PSD2: variants seen among roughly 807,000 people sequenced by gnomAD.
PSD2 encodes pleckstrin and Sec7 domain containing 2.
A neutral mutation model predicts 69.8 loss-of-function variants in PSD2; 38 were observed. That is an observed-to-expected ratio of 0.54 (90% CI 0.42 to 0.71). PSD2 has a LOEUF of 0.71. Ranked by LOEUF, PSD2 falls within the 30% of genes least tolerant of loss-of-function variation. PSD2 has a pLI of 0.00. For synonymous variants in PSD2, 412 were observed against 423.0 expected (o/e 0.97, Z 0.32); for missense variants, 943 against 1,014.5 (o/e 0.93, Z 0.96).
rs138380367 is a variant in PSD2, at chr5:139,836,956, G to A, written c.1549G>A (p.Gly517Ser). ...QALSATTYKH[G>S]VLTRKTHADM... ...GCTCAGTGCCACCACCTACAAGCACGGCGTCCTGACCCGGAAGACTCACGC... is the reference window on the plus strand; with the variant it reads ...GCTCAGTGCCACCACCTACAAGCACAGCGTCCTGACCCGGAAGACTCACGC... The change falls in exon 10 of 15, where the codon GGC becomes AGC. Residue 517 changes from glycine (G) to serine (S), a missense_variant. Gly to Ser is a moderately conservative substitution (Grantham distance 56). Around this residue, in one of 3 missense-constraint regions of PSD2, gnomAD observed 312 missense variants for 400.7 expected, o/e 0.78. Coordinates refer to ENST00000274710, the MANE Select transcript of PSD2 (RefSeq NM_032289.4). 884 of 1,613,850 alleles carry A rather than the reference G, an allele frequency of 5.5e-4. 5 individuals are homozygous for A. Among genetic ancestry groups the A allele is most frequent in the Middle Eastern group, 6.6e-4 (4 of 6,082 alleles).
chr5:139,753,315 T>C, the PSD2 span, among the ~76,000 whole-genome samples: 2 of 152,104 alleles, frequency 1.3e-5, no homozygotes, highest in Non-Finnish European at 2.9e-5. Flanking sequence ...TTCAGGGCCA[T>C]GGGGGAGGAG....
chr5:139,783,943 C>A, the PSD2 span, among the ~76,000 whole-genome samples: 2 of 87,888 alleles, frequency 2.3e-5, no homozygotes, highest in African/African-American at 9.2e-5. Context: ...TCTGCTAGCT[C>A]TTTTTTTTTT....
intron 5 of PSD2, among the ~76,000 whole-genome samples, chr5:139,820,472 G>A (rs1314515491): frequency 6.6e-6 from 1 of 152,162 alleles, no homozygotes; most frequent in East Asian, 1.9e-4. Flanking sequence ...GTACTCTGCA[G>A]TTTTGGATGC....
intron 5 of PSD2, among the ~76,000 whole-genome samples, chr5:139,819,532 A>G (rs1183370024): frequency 6.6e-6 from 1 of 152,194 alleles, no homozygotes; most frequent in East Asian, 1.9e-4. Flanking sequence ...CAGCCCCTGA[A>G]GTCTCCAGCC....
At chr5:139,797,028 T>TG (rs554205645) in intron 1 of PSD2, among the ~76,000 whole-genome samples, 137 of 145,330 alleles carry the variant, frequency 9.4e-4, no homozygotes, top group African/African-American at 3.2e-3. Context: ...TGGTTGGGGG[T>TG]GGGGGGGTTC....
chr5:139,792,388 C>G (rs1759429166), upstream of PSD2, among the ~76,000 whole-genome samples: 1 of 152,142 alleles, frequency 6.6e-6, no homozygotes, highest in Non-Finnish European at 1.5e-5. Context: ...TCCCTCTGTC[C>G]CTGCCCAAGG....
intron 1 of PSD2, among the ~76,000 whole-genome samples, chr5:139,799,466 C>T (rs932550870): frequency 2.0e-5 from 3 of 152,140 alleles, no homozygotes; most frequent in Non-Finnish European, 4.4e-5. Flanking sequence ...GGGGGCCAGA[C>T]AGGAAGGGAG....
the PSD2 span, among the ~76,000 whole-genome samples, chr5:139,789,218 C>T: frequency 6.6e-6 from 1 of 152,204 alleles, no homozygotes; most frequent in Non-Finnish European, 1.5e-5. Flanking sequence ...GCCCTGGGCT[C>T]AGGGAGGAGC....
At chr5:139,744,716 T>C in the PSD2 span, among the ~76,000 whole-genome samples, 1 of 152,150 alleles carries the variant, frequency 6.6e-6, no homozygotes, top group Non-Finnish European at 1.5e-5. Context: ...AGCCTCCTGC[T>C]ATTTATGAGG....
chr5:139,813,554 A>C lies in PSD2; in HGVS notation c.617A>C (p.Glu206Ala). 1 of 1,611,008 alleles carries C rather than the reference A, an allele frequency of 6.2e-7. No individual in the cohort carries two copies. ...TTGGGCATTGGGGACATGGCGTTTG[A>C]GGGGGACATGGGGGCAGCTGGTGGT... ...AGLGIGDMAFEGDMGAAGGDG... is the reference protein window; with the variant it reads ...AGLGIGDMAFAGDMGAAGGDG... Residue 206 changes from glutamate (E) to alanine (A), a missense_variant, in exon 3 of 15, where the codon GAG becomes GCG. Glu to Ala is a moderately radical substitution (Grantham distance 107). Around this residue, in one of 3 missense-constraint regions of PSD2, gnomAD observed 466 missense variants for 445.0 expected, o/e 1.05. Transcript: ENST00000274710.
chr5:139,783,437 G>A, the PSD2 span, among the ~76,000 whole-genome samples: 1 of 152,298 alleles, frequency 6.6e-6, no homozygotes, highest in East Asian at 1.9e-4. Context: ...ACAAGACCCT[G>A]TCTCACAACA....
intron 1 of PSD2, among the ~76,000 whole-genome samples, chr5:139,803,778 C>T (rs185153736): frequency 5.8e-4 from 88 of 152,254 alleles, no homozygotes; most frequent in African/African-American, 2.1e-3. Flanking sequence ...CCTGGGTGGG[C>T]GTCCCTTCCA....
chr5:139,786,448 G>C, the PSD2 span, among the ~76,000 whole-genome samples: 1 of 152,220 alleles, frequency 6.6e-6, no homozygotes, highest in African/African-American at 2.4e-5. Context: ...TTAGGGTCAA[G>C]AAAAGGTGGC....
chr5:139,818,950 C>A (rs1455008308), intron 5 of PSD2, among the ~76,000 whole-genome samples: 1 of 152,116 alleles, frequency 6.6e-6, no homozygotes, highest in Non-Finnish European at 1.5e-5. Context: ...TTTTCTCCAC[C>A]TTTCCCTCTC....
chr5:139,794,140 G>A (rs75678221), upstream of PSD2, among the ~76,000 whole-genome samples: 4,358 of 152,288 alleles, frequency 0.029, 212 homozygotes, highest in African/African-American at 0.098. Context: ...GGGCTCTGCG[G>A]TAATGTCCTA....
At chr5:139,809,339 C>A (rs955103665) in intron 1 of PSD2, 52 bp from the exon 2 acceptor site, 1 of 1,418,180 alleles carries the variant, frequency 7.1e-7, no homozygotes, top group African/African-American at 1.5e-5. Context: ...TTTAGGTGCC[C>A]CCCAGCCCCA....
intron 1 of PSD2, among the ~76,000 whole-genome samples, chr5:139,807,160 G>T (rs1157400611): frequency 6.6e-6 from 1 of 152,204 alleles, no homozygotes. Flanking sequence ...CTTAGGCAGA[G>T]CCCTGACTCA....
chr5:139,823,246 T>G (rs1760319130), intron 7 of PSD2, among the ~76,000 whole-genome samples: 1 of 152,176 alleles, frequency 6.6e-6, no homozygotes, highest in African/African-American at 2.4e-5. Context: ...TTCTCATGGC[T>G]CAATAACTCC....
intron 3 of PSD2, 83 bp downstream of exon 3, chr5:139,813,841 T>A: frequency 2.4e-6 from 3 of 1,231,222 alleles, no homozygotes; most frequent in East Asian, 4.9e-5. Flanking sequence ...TTAGGGTGAC[T>A]CAGTGTCCAG....
Sources: gnomAD v4.1 joint callset for allele counts (sites outside exome capture counted in the v4.1 genomes callset) on GRCh38, gnomAD v4.1.1 for gene constraint, gnomAD v4.1.1 regional missense constraint, MANE v1.5 for transcripts, NCBI Gene and HGNC (gene_info 2026-07-23, HGNC 2026-07-21) for gene names.